The following PTPRT variants were observed in gnomAD, a reference collection of about 807,000 sequenced individuals.
The protein encoded by PTPRT is receptor-type tyrosine-protein phosphatase T.
Under a neutral mutation model 176.8 loss-of-function variants are expected in PTPRT, and 56 were observed. That is an observed-to-expected ratio of 0.32 (90% CI 0.26 to 0.40). The LOEUF (loss-of-function observed/expected upper bound fraction) is 0.40, where lower values mean the gene tolerates loss of function less well. PTPRT is among the 10% of genes least tolerant of loss of function. The pLI is 1.00. For missense variants in PTPRT, 1,540 were observed against 1,908.2 expected (o/e 0.81, Z 3.60); for synonymous variants, 783 against 739.0 (o/e 1.06, Z -0.96).
chr20:42,296,304 G>A (rs1600797321), intron 12 of PTPRT, among the ~76,000 whole-genome samples: 1 of 152,042 alleles, frequency 6.6e-6, no homozygotes, highest in Non-Finnish European at 1.5e-5. Flanking sequence ...ATATAAGCTG[G>A]GTGTGGTGGC....
intron 9 of PTPRT, among the ~76,000 whole-genome samples, chr20:42,361,812 T>G (rs2145565512): frequency 6.6e-6 from 1 of 152,312 alleles, no homozygotes; most frequent in East Asian, 1.9e-4. Context: ...CCTCTTGCAT[T>G]CCTGACCCAC....
chr20:42,419,878 C>T (rs113762609), intron 9 of PTPRT, among the ~76,000 whole-genome samples: 29 of 152,150 alleles, frequency 1.9e-4, no homozygotes, highest in East Asian at 1.4e-3. Context: ...ACTGAAGAGA[C>T]GCACACCTAG....
chr20:42,388,098 T>A (rs776604920), intron 9 of PTPRT, among the ~76,000 whole-genome samples: 1 of 152,170 alleles, frequency 6.6e-6, no homozygotes, highest in Non-Finnish European at 1.5e-5. Flanking sequence ...CCAGGGATGC[T>A]AACATTCTTC....
At chr20:42,952,362 G>A (rs76624978) in intron 1 of PTPRT, among the ~76,000 whole-genome samples, 2,118 of 152,300 alleles carry the variant, frequency 0.014, 58 homozygotes, top group African/African-American at 0.048. Flanking sequence ...TTGCCTCTGC[G>A]TAGCTATGAA....
chr20:43,155,833 A>T (rs528258455), intron 1 of PTPRT, among the ~76,000 whole-genome samples: 4 of 152,194 alleles, frequency 2.6e-5, no homozygotes, highest in Non-Finnish European at 4.4e-5. Context: ...GAAATAAAAC[A>T]TTAAAATAAA....
chr20:43,051,625 TAAAAA>T (rs35885799), intron 1 of PTPRT, among the ~76,000 whole-genome samples: 88 of 91,940 alleles, frequency 9.6e-4, no homozygotes, highest in Middle Eastern at 6.4e-3. Context: ...TCTGTAACTG[TAAAAA>T]AAAAAAAAAA....
intron 6 of PTPRT, among the ~76,000 whole-genome samples, chr20:42,733,078 T>G (rs2146269047): frequency 1.3e-5 from 2 of 152,226 alleles, no homozygotes. Flanking sequence ...TAAAGGTGCT[T>G]TACTTCCACC....
intron 2 of PTPRT, among the ~76,000 whole-genome samples, chr20:42,847,440 CT>C (rs1187269994): frequency 1.3e-5 from 2 of 152,194 alleles, no homozygotes; most frequent in African/African-American, 4.8e-5. Context: ...ACAGGCCAGC[CT>C]TTCAGGGCAG....
At chr20:42,068,587 G>C (rs183064091), downstream of PTPRT, among the ~76,000 whole-genome samples, 121 of 152,310 alleles carry the variant, frequency 7.9e-4, no homozygotes, top group Admixed American at 3.7e-3. Flanking sequence ...AGTGAGTACA[G>C]ACCATCTGGA....
intron 9 of PTPRT, among the ~76,000 whole-genome samples, chr20:42,385,238 T>C (rs1674976398): frequency 6.6e-6 from 1 of 152,186 alleles, no homozygotes; most frequent in African/African-American, 2.4e-5. Context: ...TAATTAATAT[T>C]AGTACATTAA....
chr20:42,610,050 G>A (rs1343072497), intron 7 of PTPRT, among the ~76,000 whole-genome samples: 2 of 152,142 alleles, frequency 1.3e-5, no homozygotes, highest in African/African-American at 2.4e-5. Flanking sequence ...ATTACTGCAG[G>A]AAGACTCAAG....
intron 1 of PTPRT, among the ~76,000 whole-genome samples, chr20:42,932,677 C>G (rs1036427294): frequency 7.9e-5 from 12 of 152,232 alleles, no homozygotes; most frequent in African/African-American, 2.7e-4. Context: ...CAAACCACGA[C>G]AGCTGGTCAC....
intron 6 of PTPRT, among the ~76,000 whole-genome samples, chr20:42,754,749 T>C (rs1225340179): frequency 1.3e-5 from 2 of 152,236 alleles, no homozygotes; most frequent in African/African-American, 4.8e-5. Context: ...TAAGTGTTCA[T>C]GGCATTGTGG....
chr20:43,187,394 A>G (rs1476457729), intron 1 of PTPRT, among the ~76,000 whole-genome samples: 1 of 152,182 alleles, frequency 6.6e-6, no homozygotes, highest in Non-Finnish European at 1.5e-5. Context: ...ATTTAGGAAT[A>G]AAATAAGATA....
chr20:42,253,235 T>C (rs74737457), intron 13 of PTPRT, among the ~76,000 whole-genome samples: 16 of 152,192 alleles, frequency 1.1e-4, no homozygotes, highest in African/African-American at 3.4e-4. Context: ...ATGGGAGTCA[T>C]AAAAAAGCAC....
At chr20:42,919,698 G>A (rs559800514) in intron 1 of PTPRT, among the ~76,000 whole-genome samples, 18 of 152,334 alleles carry the variant, frequency 1.2e-4, no homozygotes, top group African/African-American at 3.4e-4. Context: ...ACTTAATACA[G>A]AAGCAGAAAC....
At chr20:42,585,977 A>G (rs116155278) in intron 7 of PTPRT, among the ~76,000 whole-genome samples, 3,740 of 152,262 alleles carry the variant, frequency 0.025, 134 homozygotes, top group African/African-American at 0.081. Context: ...ATCACACACT[A>G]TATAGCATTT....
intron 1 of PTPRT, among the ~76,000 whole-genome samples, chr20:42,958,856 C>T (rs2146035671): frequency 6.6e-6 from 1 of 152,258 alleles, no homozygotes; most frequent in East Asian, 1.9e-4. Context: ...TTCAAGGTGG[C>T]AACTCTGCCT....
At chr20:42,606,389 G>T (rs1348978629) in intron 7 of PTPRT, among the ~76,000 whole-genome samples, 1 of 152,206 alleles carries the variant, frequency 6.6e-6, no homozygotes. Context: ...CTACAGCCTT[G>T]CCAACTGCTC....
Sources: gnomAD v4.1 joint callset for allele counts (sites outside exome capture counted in the v4.1 genomes callset) on GRCh38, gnomAD v4.1.1 for gene constraint, MANE v1.5 for transcripts, NCBI Gene and HGNC (gene_info 2026-07-23, HGNC 2026-07-21) for gene names.